Variants in PDS5A observed in about 807,000 individuals in gnomAD.
PDS5A encodes sister chromatid cohesion protein PDS5 homolog A.
A neutral mutation model predicts 167.1 loss-of-function variants in PDS5A; 42 were observed. The observed-to-expected ratio is 0.25, with a 90% CI of 0.20 to 0.33. PDS5A has a LOEUF of 0.33. PDS5A is among the 10% of genes least tolerant of loss of function. PDS5A has a pLI of 1.00. For synonymous variants in PDS5A, 553 were observed against 554.6 expected, an observed-to-expected ratio of 1.00 and a Z score of 0.04; for missense variants, 1,033 against 1,605.9, an observed-to-expected ratio of 0.64 and a Z score of 6.10.
At chr4:39,841,909 T>C (rs761541847) in intron 31 of PDS5A, 39 bp downstream of exon 31, 4 of 1,087,756 alleles carry the variant, frequency 3.7e-6, no homozygotes, top group Non-Finnish European at 5.7e-6. Flanking sequence ...TGTAATAATC[T>C]CCATGGAAAA....
intron 28 of PDS5A, chr4:39,846,290 C>G (rs1047879937): frequency 6.6e-6 from 1 of 152,500 alleles, no homozygotes; most frequent in Non-Finnish European, 1.5e-5. Context: ...CACCTGAGGT[C>G]AGAAGTTCGA....
At chr4:39,943,123 T>TAC (rs35361618) in intron 2 of PDS5A, among the ~76,000 whole-genome samples, 5,007 of 144,798 alleles carry the variant, frequency 0.035, 111 homozygotes, top group African/African-American at 0.054. Flanking sequence ...ACTATGCAAA[T>TAC]ACACACACAC....
intron 2 of PDS5A, among the ~76,000 whole-genome samples, chr4:39,968,424 ATAATAT>A (rs1432789843): frequency 9.7e-5 from 14 of 144,724 alleles, no homozygotes; most frequent in Non-Finnish European, 1.7e-4. Flanking sequence ...TTACTTAATT[ATAATAT>A]TAATTTTTTT....
chr4:39,836,621 T>TA (rs1372382296), intron 32 of PDS5A, among the ~76,000 whole-genome samples: 2 of 136,764 alleles, frequency 1.5e-5, no homozygotes, highest in African/African-American at 5.2e-5. Flanking sequence ...TTCTATTTTT[T>TA]TTTTTTTTTT....
chr4:39,863,590 A>T (rs1719177762), intron 23 of PDS5A, 131 bp from the exon 24 acceptor site: 5 of 568,442 alleles, frequency 8.8e-6, no homozygotes, highest in Non-Finnish European at 1.2e-5. Flanking sequence ...AATATGGGAA[A>T]GCTACTTTGA....
intron 5 of PDS5A, among the ~76,000 whole-genome samples, chr4:39,923,675 A>G (rs996455237): frequency 2.0e-5 from 3 of 151,512 alleles, no homozygotes; most frequent in African/African-American, 7.3e-5. Context: ...ACACACACGC[A>G]TCCACTTCAA....
In PDS5A at chr4:39,823,788, T is replaced by C. The variant is rs189296062; in HGVS notation, c.*1697A>G. The C allele has an allele frequency of 1.1e-3, 166 of 152,738 alleles. No individual in the cohort carries two copies. The highest frequency in any genetic ancestry group is 3.9e-3 in the African/African-American group (161 of 41,566). The allele number at this position is 152,738 out of a possible 1,614,324, so 9.5% of individuals were successfully genotyped here. A position where few individuals can be genotyped will look rare whatever the true frequency, so the allele number is the denominator to read the frequency against. On this transcript the variant is annotated 3_prime_UTR_variant, in exon 33 of 33. Coordinates refer to ENST00000303538, the MANE Select transcript of PDS5A (RefSeq NM_001100399.2). ...ATTGGTATCCATTGTTCCCTAAGCA[T>C]CTTCTGATACCTAAATGTGTGTAAA...
chr4:39,915,824 T>C (rs1724325414), intron 8 of PDS5A, among the ~76,000 whole-genome samples: 1 of 152,194 alleles, frequency 6.6e-6, no homozygotes, highest in South Asian at 2.1e-4. Context: ...TTTATTCTAA[T>C]AGCAAGTAAC....
intron 17 of PDS5A, among the ~76,000 whole-genome samples, chr4:39,883,337 C>T (rs1432179196): frequency 1.3e-5 from 2 of 152,006 alleles, no homozygotes; most frequent in Non-Finnish European, 2.9e-5. Context: ...CGCACCACCA[C>T]ACCTGGCTAA....
chr4:39,896,986 T>C (rs1267705364), intron 16 of PDS5A, among the ~76,000 whole-genome samples: 1 of 151,894 alleles, frequency 6.6e-6, no homozygotes, highest in East Asian at 1.9e-4. Context: ...TGTGTCATGG[T>C]AGTTTGCTAC....
chr4:39,858,823 C>T (rs150534100), intron 26 of PDS5A, among the ~76,000 whole-genome samples: 93 of 152,260 alleles, frequency 6.1e-4, no homozygotes, highest in African/African-American at 2.2e-3. Context: ...CAGGGTTTCA[C>T]CATGTTGGTC....
chr4:39,927,228 T>C (rs996899062), intron 3 of PDS5A, among the ~76,000 whole-genome samples: 15 of 152,194 alleles, frequency 9.9e-5, no homozygotes, highest in Non-Finnish European at 2.2e-4. Flanking sequence ...GTATTTCCAT[T>C]ACTATTACCT....
intron 32 of PDS5A, among the ~76,000 whole-genome samples, chr4:39,829,153 T>C (rs1290454118): frequency 6.6e-6 from 1 of 152,204 alleles, no homozygotes; most frequent in African/African-American, 2.4e-5. Flanking sequence ...TGGTTGAAAC[T>C]GTAATGATAT....
intron 9 of PDS5A, among the ~76,000 whole-genome samples, chr4:39,911,525 T>C (rs532165806): frequency 3.3e-5 from 5 of 152,048 alleles, no homozygotes; most frequent in African/African-American, 7.2e-5. Flanking sequence ...TACAACACAA[T>C]ATGTAGACTC....
intron 19 of PDS5A, 40 bp downstream of exon 19, chr4:39,876,952 AG>A: frequency 6.8e-7 from 1 of 1,465,832 alleles, no homozygotes; most frequent in South Asian, 1.3e-5. Flanking sequence ...TCCCATACTT[AG>A]AAACTTTTGT....
At chr4:39,869,176 A>T (rs13125358) in intron 22 of PDS5A, among the ~76,000 whole-genome samples, 33,702 of 152,152 alleles carry the variant, frequency 0.22, 4,704 homozygotes, top group Middle Eastern at 0.33. Flanking sequence ...AGGTTTAATT[A>T]AAAAAGGCTC....
At chr4:39,934,599 G>A (rs184024293) in intron 2 of PDS5A, among the ~76,000 whole-genome samples, 1 of 136,540 alleles carries the variant, frequency 7.3e-6, no homozygotes, top group Non-Finnish European at 1.6e-5. Context: ...TGCGGTCTTA[G>A]TATTTCTTTT....
At position 39,848,907 on chromosome 4, in the gene PDS5A, C is replaced by T; in HGVS notation, c.3283G>A (p.Ala1095Thr). 1 of 1,604,116 alleles carries T rather than the reference C, an allele frequency of 6.2e-7. No individual in the cohort carries two copies. The highest frequency in any genetic ancestry group is 1.7e-5 in the Admixed American group (1 of 59,568). ...AGGACTGGGTCCTTTGGTGAATCTG[C>T]ATTGCACAAAGCACTTTTACTATTT... ...VINSKSALCN[A>T]DSPKDPVLPM... The change falls in exon 28 of 33, where the codon GCA (alanine) becomes ACA (threonine). Residue 1095 changes from alanine to threonine, a missense_variant. Around this residue, in one of 4 missense-constraint regions of PDS5A, gnomAD observed 367 missense variants for 686.7 expected, o/e 0.53. Coordinates refer to ENST00000303538, the MANE Select transcript of PDS5A (RefSeq NM_001100399.2).
Position 39,901,814 on chromosome 4 carries a change from A to G in PDS5A, c.1499+533T>C, listed in dbSNP as rs546975754. 8.9e-4 allele frequency among the ~76,000 whole-genome samples: 135 copies of G among 152,256 alleles called. 1 individual carries two copies. In the South Asian group the frequency reaches 0.027, roughly 30 times the overall value. On this transcript the variant is annotated intron_variant, in intron 13 of 32. Coordinates refer to ENST00000303538, the MANE Select transcript of PDS5A (RefSeq NM_001100399.2). ...CATATACGATGGTGTACAACATAAT[A>G]TATGTATATATTGTAACATTTACTT...
Sources: allele counts gnomAD v4.1 joint callset (sites outside exome capture counted in the v4.1 genomes callset), GRCh38; gene constraint gnomAD v4.1.1; regional missense constraint gnomAD v4.1.1; transcripts MANE v1.5; gene names NCBI Gene and HGNC (gene_info 2026-07-23, HGNC 2026-07-21).